LSAMP: variants seen among roughly 807,000 people sequenced by gnomAD.
LSAMP encodes limbic system associated membrane protein.
LSAMP carries 7 observed loss-of-function variants against 38.6 expected under a neutral mutation model. The observed-to-expected ratio is 0.18, with a 90% CI of 0.10 to 0.34. The LOEUF is 0.34. Among genes scored for constraint, LSAMP ranks in the 10% least tolerant of loss-of-function variants. The pLI is 1.00. For missense variants in LSAMP, 313 were observed against 420.0 expected (o/e 0.75, Z 2.23); for synonymous variants, 154 against 166.8 (o/e 0.92, Z 0.59).
chr3:115,992,703 T>C (rs1325118066), intron 3 of LSAMP, among the ~76,000 whole-genome samples: 1 of 149,846 alleles, frequency 6.7e-6, no homozygotes, highest in Non-Finnish European at 1.5e-5. Flanking sequence ...TCGATACAGT[T>C]CATAAAGATG....
At chr3:116,310,908 TAA>T (rs1182944818) in intron 1 of LSAMP, among the ~76,000 whole-genome samples, 23 of 92,390 alleles carry the variant, frequency 2.5e-4, no homozygotes, top group African/African-American at 3.2e-4. Flanking sequence ...AAGATGATGA[TAA>T]GTTGTTTTTT....
intron 1 of LSAMP, among the ~76,000 whole-genome samples, chr3:116,166,602 A>G (rs575125927): frequency 2.2e-4 from 33 of 152,244 alleles, no homozygotes; most frequent in African/African-American, 7.7e-4. Context: ...ATATGTACAT[A>G]TATATGTATG....
intron 1 of LSAMP, among the ~76,000 whole-genome samples, chr3:116,167,308 C>T (rs1710083452): frequency 6.6e-6 from 1 of 152,094 alleles, no homozygotes; most frequent in Non-Finnish European, 1.5e-5. Context: ...TTTGCATCTT[C>T]ATATCCAGCT....
At chr3:116,113,668 G>A (rs964701375) in intron 1 of LSAMP, among the ~76,000 whole-genome samples, 1 of 151,480 alleles carries the variant, frequency 6.6e-6, no homozygotes, top group Non-Finnish European at 1.5e-5. Flanking sequence ...CTTGTGATCC[G>A]CCCGCCTCGG....
intron 1 of LSAMP, among the ~76,000 whole-genome samples, chr3:116,409,084 A>G (rs4831096): frequency 0.3 from 45,885 of 151,862 alleles, 9,446 homozygotes; most frequent in African/African-American, 0.59. Flanking sequence ...GGAGTGCTAA[A>G]AAGTGTCTAT....
At chr3:116,244,000 C>A (rs1576456080) in intron 1 of LSAMP, among the ~76,000 whole-genome samples, 4 of 152,148 alleles carry the variant, frequency 2.6e-5, no homozygotes, top group Admixed American at 2.6e-4. Context: ...TTCTCTTGTG[C>A]ACTTCCTATA....
chr3:116,382,405 C>T (rs1576178909), intron 1 of LSAMP, among the ~76,000 whole-genome samples: 1 of 148,624 alleles, frequency 6.7e-6, no homozygotes, highest in Admixed American at 6.9e-5. Context: ...ATCGCAAGGA[C>T]AAAAAACCAA....
At chr3:116,356,964 T>G (rs937781409) in intron 1 of LSAMP, among the ~76,000 whole-genome samples, 3 of 152,124 alleles carry the variant, frequency 2.0e-5, no homozygotes, top group African/African-American at 7.2e-5. Context: ...TGGCTAATTT[T>G]TTGTATTTTT....
intron 1 of LSAMP, among the ~76,000 whole-genome samples, chr3:116,110,298 A>G (rs1015818998): frequency 6.6e-6 from 1 of 152,048 alleles, no homozygotes; most frequent in Non-Finnish European, 1.5e-5. Context: ...AGAGACAAGG[A>G]GAGAAGGGGT....
At chr3:116,213,557 T>C (rs1030239246) in intron 1 of LSAMP, among the ~76,000 whole-genome samples, 2 of 152,166 alleles carry the variant, frequency 1.3e-5, no homozygotes, top group African/African-American at 2.4e-5. Context: ...CAAGTTGAAA[T>C]CAGGATCTTC....
intron 1 of LSAMP, among the ~76,000 whole-genome samples, chr3:116,275,081 C>T (rs2047030945): frequency 6.6e-6 from 1 of 151,928 alleles, no homozygotes; most frequent in South Asian, 2.1e-4. Flanking sequence ...TAAACAGGCT[C>T]TTGCTCTGTC....
chr3:116,066,160 CT>C (rs1707423001), intron 2 of LSAMP, among the ~76,000 whole-genome samples: 1 of 152,134 alleles, frequency 6.6e-6, no homozygotes. Context: ...AGATGGCTGA[CT>C]TTTCACTTTG....
chr3:115,994,770 C>T (rs1027498925), intron 3 of LSAMP, among the ~76,000 whole-genome samples: 1 of 152,024 alleles, frequency 6.6e-6, no homozygotes, highest in Non-Finnish European at 1.5e-5. Flanking sequence ...TTTCTTTTCG[C>T]TTTAATCTGT....
intron 1 of LSAMP, among the ~76,000 whole-genome samples, chr3:116,172,361 T>TC (rs1210308284): frequency 1.3e-5 from 2 of 151,960 alleles, no homozygotes; most frequent in Admixed American, 1.3e-4. Context: ...CCTTTTTTTT[T>TC]TTTTTACTTG....
At chr3:116,250,978 T>C (rs976911705) in intron 1 of LSAMP, among the ~76,000 whole-genome samples, 1 of 152,170 alleles carries the variant, frequency 6.6e-6, no homozygotes, top group Non-Finnish European at 1.5e-5. Context: ...GGACAAACTG[T>C]TTCTGCAAAG....
chr3:116,368,534 A>G (rs2048386112), intron 1 of LSAMP, among the ~76,000 whole-genome samples: 2 of 152,220 alleles, frequency 1.3e-5, no homozygotes, highest in Non-Finnish European at 2.9e-5. Flanking sequence ...ATGTAGTAAA[A>G]TATTCACAAA....
intron 1 of LSAMP, among the ~76,000 whole-genome samples, chr3:116,203,310 T>A (rs947486799): frequency 6.6e-6 from 1 of 152,160 alleles, no homozygotes; most frequent in African/African-American, 2.4e-5. Flanking sequence ...ACAAAATGTT[T>A]TTATCATGAA....
chr3:116,151,687 G>T (rs1023998845), intron 1 of LSAMP, among the ~76,000 whole-genome samples: 1 of 151,968 alleles, frequency 6.6e-6, no homozygotes, highest in Non-Finnish European at 1.5e-5. Context: ...TTGGCATGTC[G>T]CTGGACTTGT....
At chr3:116,031,269 A>G (rs1383644317) in intron 2 of LSAMP, among the ~76,000 whole-genome samples, 1 of 152,132 alleles carries the variant, frequency 6.6e-6, no homozygotes, top group East Asian at 1.9e-4. Context: ...ACATAAAGAC[A>G]TTGTGCCAGG....
Sources: allele counts gnomAD v4.1 joint callset (sites outside exome capture counted in the v4.1 genomes callset), GRCh38; gene constraint gnomAD v4.1.1; transcripts MANE v1.5; gene names NCBI Gene and HGNC (gene_info 2026-07-23, HGNC 2026-07-21).